Variants in ROR2 observed in about 807,000 individuals in gnomAD.
The protein encoded by ROR2 is tyrosine-protein kinase transmembrane receptor ROR2.
ROR2 carries 33 observed loss-of-function variants against 74.9 expected under a neutral mutation model. The ratio of observed to expected loss-of-function variants is 0.44; its 90% CI spans 0.33 to 0.59. The LOEUF (loss-of-function observed/expected upper bound fraction) is 0.59. Among genes scored for constraint, ROR2 ranks in the 20% least tolerant of loss-of-function variants. The pLI is 0.02. For synonymous variants in ROR2, 586 were observed against 558.7 expected (o/e 1.05, Z -0.69); for missense variants, 1,216 against 1,313.8 (o/e 0.93, Z 1.15).
chr9:91,946,258 G>T (rs1403544253), intron 1 of ROR2, among the ~76,000 whole-genome samples: 3 of 151,840 alleles, frequency 2.0e-5, no homozygotes, highest in Non-Finnish European at 2.9e-5. Flanking sequence ...TACATGCTTG[G>T]TATTCTCCAC....
At chr9:91,923,524 C>T (rs1349802406) in intron 1 of ROR2, 1 of 152,150 alleles carries the variant, frequency 6.6e-6, no homozygotes, top group African/African-American at 2.4e-5. Flanking sequence ...ACTTGGCAAG[C>T]AAAACAAAGC....
chr9:91,822,049 G>A (rs554284810), intron 1 of ROR2, among the ~76,000 whole-genome samples: 102 of 152,276 alleles, frequency 6.7e-4, no homozygotes, highest in Non-Finnish European at 1.3e-3. Context: ...AAAAAAAGGC[G>A]CTTCAAAACA....
chr9:91,857,538 A>G (rs543590746), intron 1 of ROR2, among the ~76,000 whole-genome samples: 95 of 152,226 alleles, frequency 6.2e-4, no homozygotes, highest in Admixed American at 1.3e-3. Context: ...GCACCATGAG[A>G]AAAAGGCCTT....
chr9:91,775,727 A>C lies in ROR2; in HGVS notation c.175+14T>G. ...TTTGGAGGACATGGAGAGCACCTGC[A>C]TGTCCCAGCTCACCTTTCAGAGTTG... On this transcript the variant is annotated intron_variant, in intron 2 of 8. Transcript: ENST00000375708. 1 of 1,613,082 alleles carries C rather than the reference A, an allele frequency of 6.2e-7. No individual in the cohort carries two copies. The highest frequency in any genetic ancestry group is 8.5e-7 in the Non-Finnish European group (1 of 1,179,122).
intron 1 of ROR2, among the ~76,000 whole-genome samples, chr9:91,844,432 G>A (rs1351184507): frequency 1.3e-5 from 2 of 151,994 alleles, no homozygotes; most frequent in African/African-American, 2.4e-5. Context: ...CGCCTCCTTC[G>A]TGCCACTTGC....
chr9:91,814,357 C>T (rs925631190), intron 1 of ROR2, among the ~76,000 whole-genome samples: 5 of 152,278 alleles, frequency 3.3e-5, no homozygotes, highest in South Asian at 4.2e-4. Context: ...CCTGTCCGTT[C>T]GTCAGAGGCC....
At chr9:91,753,489 A>G (rs1825651189) in intron 4 of ROR2, among the ~76,000 whole-genome samples, 1 of 152,236 alleles carries the variant, frequency 6.6e-6, no homozygotes, top group African/African-American at 2.4e-5. Context: ...CGTTGTCGGG[A>G]AAGTAACCTA....
intron 1 of ROR2, among the ~76,000 whole-genome samples, chr9:91,795,598 C>G (rs994592848): frequency 6.6e-6 from 1 of 152,196 alleles, no homozygotes; most frequent in Non-Finnish European, 1.5e-5. Context: ...GAACATTTTT[C>G]AATACATTGT....
chr9:91,883,931 A>G (rs1197399995), intron 1 of ROR2, among the ~76,000 whole-genome samples: 4 of 152,096 alleles, frequency 2.6e-5, no homozygotes, highest in African/African-American at 7.2e-5. Flanking sequence ...TCTGGAGGTA[A>G]AATCTCAGGG....
intron 7 of ROR2, among the ~76,000 whole-genome samples, chr9:91,729,668 C>G (rs960145767): frequency 6.6e-6 from 1 of 152,196 alleles, no homozygotes; most frequent in Non-Finnish European, 1.5e-5. Context: ...ATTGCTGCTT[C>G]CAGCTCCCAG....
intron 1 of ROR2, among the ~76,000 whole-genome samples, chr9:91,890,620 T>TAAG (rs1830400130): frequency 6.6e-6 from 1 of 152,248 alleles, no homozygotes; most frequent in Non-Finnish European, 1.5e-5. Context: ...TTGCTCTCCT[T>TAAG]AAGTTTCAAT....
intron 1 of ROR2, among the ~76,000 whole-genome samples, chr9:91,871,324 T>C (rs968237093): frequency 2.0e-5 from 3 of 152,234 alleles, no homozygotes; most frequent in Non-Finnish European, 4.4e-5. Flanking sequence ...TCTCATTCTA[T>C]CATTCTCCCT....
chr9:91,742,783 ACATT>A (rs1258007132), intron 4 of ROR2, among the ~76,000 whole-genome samples: 1 of 152,174 alleles, frequency 6.6e-6, no homozygotes, highest in African/African-American at 2.4e-5. Flanking sequence ...CTGGGCCTTC[ACATT>A]CACTCGCGAC....
intron 1 of ROR2, among the ~76,000 whole-genome samples, chr9:91,808,493 G>A (rs1183265100): frequency 6.6e-6 from 1 of 151,676 alleles, no homozygotes; most frequent in African/African-American, 2.4e-5. Flanking sequence ...GCTGGGTGTG[G>A]TGGCACATGC....
chr9:91,857,418 C>T (rs1240228800), intron 1 of ROR2, among the ~76,000 whole-genome samples: 4 of 152,226 alleles, frequency 2.6e-5, no homozygotes, highest in Non-Finnish European at 4.4e-5. Context: ...GATTTTTACA[C>T]AGCCTTGCCT....
At chr9:91,762,195 G>C (rs536844550) in intron 2 of ROR2, among the ~76,000 whole-genome samples, 1 of 152,202 alleles carries the variant, frequency 6.6e-6, no homozygotes, top group East Asian at 1.9e-4. Context: ...TTCCAGCCCC[G>C]GTTTCCTAAG....
At chr9:91,902,280 A>G (rs1418889731) in intron 1 of ROR2, among the ~76,000 whole-genome samples, 1 of 152,114 alleles carries the variant, frequency 6.6e-6, no homozygotes, top group Non-Finnish European at 1.5e-5. Context: ...TTCTAAACCA[A>G]AGCTCAATTT....
chr9:91,779,071 A>G (rs1826519318), intron 1 of ROR2, among the ~76,000 whole-genome samples: 1 of 152,180 alleles, frequency 6.6e-6, no homozygotes, highest in South Asian at 2.1e-4. Flanking sequence ...CAGAAAAGGG[A>G]TATTAGGTAA....
At chr9:91,888,505 T>TG (rs1385211910) in intron 1 of ROR2, among the ~76,000 whole-genome samples, 3 of 152,106 alleles carry the variant, frequency 2.0e-5, no homozygotes, top group Non-Finnish European at 4.4e-5. Context: ...TAGCCACTAC[T>TG]GCAAGACACT....
Sources: gnomAD v4.1 joint callset for allele counts (sites outside exome capture counted in the v4.1 genomes callset) on GRCh38, gnomAD v4.1.1 for gene constraint, MANE v1.5 for transcripts, NCBI Gene and HGNC (gene_info 2026-07-23, HGNC 2026-07-21) for gene names.